WNT4: variants seen among roughly 807,000 people sequenced by gnomAD.
WNT4 encodes Wnt family member 4.
Under a neutral mutation model 34.5 loss-of-function variants are expected in WNT4, and 16 were observed. That is an observed-to-expected ratio of 0.46 (90% CI 0.31 to 0.70). The LOEUF is 0.70. Among genes scored for constraint, WNT4 ranks in the 30% least tolerant of loss-of-function variants. The pLI is 0.04. For synonymous variants in WNT4, 200 were observed against 211.9 expected, an observed-to-expected ratio of 0.94 and a Z score of 0.49; for missense variants, 379 against 495.9, an observed-to-expected ratio of 0.76 and a Z score of 2.24.
intron 1 of WNT4, among the ~76,000 whole-genome samples, chr1:22,133,333 G>A (rs1307266768): frequency 6.6e-6 from 1 of 152,118 alleles, no homozygotes; most frequent in Non-Finnish European, 1.5e-5. Flanking sequence ...AGGAATGTGG[G>A]GGCTGCTGTG....
chr1:22,127,222 C>G (rs570694078), intron 2 of WNT4: 1 of 469,868 alleles, frequency 2.1e-6, no homozygotes, highest in South Asian at 1.6e-5. Context: ...CTCCACCAGT[C>G]AGACTTTAGT....
intron 2 of WNT4, among the ~76,000 whole-genome samples, chr1:22,124,184 G>C (rs1243538860): frequency 6.6e-6 from 1 of 152,232 alleles, no homozygotes; most frequent in Non-Finnish European, 1.5e-5. Flanking sequence ...GCAGCGGGGG[G>C]GTTCCCCAGC....
At position 22,129,914 on chromosome 1, in the gene WNT4, G is replaced by T. The variant is rs899891115; in HGVS notation, c.78-63C>A. ...CTCATCTTTCCTGGCCCCGGACCAG[G>T]CCTGAGCTCCAGCCCGGGTCTCTGG... is the stretch of plus-strand genomic sequence containing the variant. On this transcript the variant is annotated intron_variant, in intron 1 of 4. Coordinates refer to ENST00000290167, the MANE Select transcript of WNT4 (RefSeq NM_030761.5). 9.5e-6 allele frequency: 15 copies of T among 1,582,910 alleles called. No individual in the cohort carries two copies. The African/African-American group carries it at 2.0e-4, about 21-fold the overall frequency.
chr1:22,137,804 G>A lies in WNT4; in HGVS notation c.77+5042C>T, dbSNP rs901516114. 1.3e-5 allele frequency among the ~76,000 whole-genome samples: 2 copies of A among 152,174 alleles called. No individual in the cohort carries two copies. Among genetic ancestry groups the A allele is most frequent in the Non-Finnish European group, 2.9e-5 (2 of 68,028 alleles). On this transcript the variant is annotated intron_variant, in intron 1 of 4. Coordinates refer to ENST00000290167, the MANE Select transcript of WNT4 (RefSeq NM_030761.5). The surrounding 1 kb of genome is among the most constrained non-coding windows in gnomAD (Gnocchi z 5.3). ...GGGTCTGTTCCGGCCCAGCAGTGAGGGGCAGAGCAGCAGATCGGGGGGGCA... is the reference window on the plus strand; with the variant it reads ...GGGTCTGTTCCGGCCCAGCAGTGAGAGGCAGAGCAGCAGATCGGGGGGGCA...
chr1:22,142,739 C>T lies in WNT4; in HGVS notation c.77+107G>A, dbSNP rs1646080541. The T allele has an allele frequency of 1.3e-6, 1 of 798,152 alleles. No individual in the cohort carries two copies. Among genetic ancestry groups the T allele is most frequent in the Non-Finnish European group, 1.5e-6 (1 of 660,004 alleles). 49.4% of individuals were successfully genotyped at this position (798,152 alleles called of 1,614,324 possible). A position where few individuals can be genotyped will look rare whatever the true frequency, so the allele number is the denominator to read the frequency against. On this transcript the variant is annotated intron_variant, in intron 1 of 4. Coordinates refer to ENST00000290167, the MANE Select transcript of WNT4 (RefSeq NM_030761.5). The surrounding 1 kb of genome is among the most constrained non-coding windows in gnomAD (Gnocchi z 6.0). ...AGCCTCCGGTCCCGCGGCCGAGACA[C>T]CTGCCGGGCTGCCCCGCGCCCGCTG...
intron 3 of WNT4, 44 bp from the exon 4 acceptor site, chr1:22,121,397 C>CCCCT: frequency 6.2e-7 from 1 of 1,613,898 alleles, no homozygotes; most frequent in Non-Finnish European, 8.5e-7. Context: ...GAGTGAGGGC[C>CCCCT]AGGGCCAAGC....
chr1:22,126,055 T>C (rs947541082), intron 2 of WNT4, among the ~76,000 whole-genome samples: 10 of 152,252 alleles, frequency 6.6e-5, no homozygotes, highest in Non-Finnish European at 1.3e-4. Context: ...ATCCCTCATC[T>C]AGCCCTGAAT....
Position 22,142,836 on chromosome 1 carries a change from C to G in WNT4, c.77+10G>C. 1 of 1,200,038 alleles carries G rather than the reference C, an allele frequency of 8.3e-7. No individual in the cohort carries two copies. The highest frequency in any genetic ancestry group is 1.1e-6 in the Non-Finnish European group (1 of 940,472). The allele number at this position is 1,200,038 out of a possible 1,614,324, so 74.3% of individuals were successfully genotyped here. A position where few individuals can be genotyped will look rare whatever the true frequency, so the allele number is the denominator to read the frequency against. On this transcript the variant is annotated intron_variant, in intron 1 of 4. Transcript: ENST00000290167. The surrounding 1 kb of genome is among the most constrained non-coding windows in gnomAD (Gnocchi z 6.0). ...CCCGCCCCGCCCCGCTCGGCCCCGG[C>G]CAGACTTACAGCCAGTTGCTCGCGG...
chr1:22,140,370 G>T lies in WNT4; in HGVS notation c.77+2476C>A. On this transcript the variant is annotated intron_variant, in intron 1 of 4. Transcript: ENST00000290167. This position sits in a 1 kb window ranked among gnomAD's most constrained non-coding sequence, Gnocchi z 5.9. ...TTCTCATCTGTAACGGGATTGAAACGTTGTTGGGATTTAGATCATGCTGTG... is the reference window on the plus strand; with the variant it reads ...TTCTCATCTGTAACGGGATTGAAACTTTGTTGGGATTTAGATCATGCTGTG... 1 of 651,532 alleles carries T rather than the reference G, an allele frequency of 1.5e-6. No homozygotes were observed. The highest frequency in any genetic ancestry group is 1.9e-6 in the Non-Finnish European group (1 of 525,030). 40.4% of individuals were successfully genotyped at this position (651,532 alleles called of 1,614,324 possible). A position where few individuals can be genotyped will look rare whatever the true frequency, so the allele number is the denominator to read the frequency against.
chr1:22,122,649 C>A (rs984549672), intron 2 of WNT4, among the ~76,000 whole-genome samples: 6 of 151,912 alleles, frequency 3.9e-5, no homozygotes, highest in Admixed American at 2.6e-4. Context: ...CTGTCTCTTG[C>A]CTGAGTGTCT....
At chr1:22,131,562 T>G (rs1645983891) in intron 1 of WNT4, among the ~76,000 whole-genome samples, 1 of 152,318 alleles carries the variant, frequency 6.6e-6, no homozygotes, top group Non-Finnish European at 1.5e-5. Flanking sequence ...ATGTTTCCTT[T>G]TCCCCGTGGC....
intron 2 of WNT4, chr1:22,127,373 C>T (rs1230976773): frequency 1.9e-6 from 1 of 533,266 alleles, no homozygotes; most frequent in Non-Finnish European, 3.8e-6. Flanking sequence ...GGCTTCAGGC[C>T]AGCATTGCCC....
chr1:22,138,411 C>G (rs923002304), intron 1 of WNT4, among the ~76,000 whole-genome samples: 2 of 152,098 alleles, frequency 1.3e-5, no homozygotes, highest in South Asian at 2.1e-4. Flanking sequence ...TGCCCGCCCC[C>G]CAGGGGACAT....
chr1:22,138,556 C>T (rs1300451923), intron 1 of WNT4, among the ~76,000 whole-genome samples: 1 of 152,220 alleles, frequency 6.6e-6, no homozygotes, highest in Admixed American at 6.5e-5. Context: ...CATCCAGTCC[C>T]AAATACCAGT....
At chr1:22,132,584 A>C (rs1183748963) in intron 1 of WNT4, among the ~76,000 whole-genome samples, 1 of 152,158 alleles carries the variant, frequency 6.6e-6, no homozygotes, top group Non-Finnish European at 1.5e-5. Context: ...TGTCTCTGCC[A>C]TTGAATAAGT....
At chr1:22,124,516 C>T (rs1024962676) in intron 2 of WNT4, among the ~76,000 whole-genome samples, 2 of 152,206 alleles carry the variant, frequency 1.3e-5, no homozygotes, top group African/African-American at 4.8e-5. Context: ...AACAGCCACT[C>T]TTTCTGAGGG....
At position 22,121,322 on chromosome 1, in the gene WNT4, G is replaced by A. The variant is rs199545625; in HGVS notation, c.477C>T (p.Ile159=). 3 of 1,614,176 alleles carry A rather than the reference G, an allele frequency of 1.9e-6. No homozygotes were observed. The highest frequency in any genetic ancestry group is 2.2e-5 in the East Asian group (1 of 44,878). Residue 159 remains isoleucine, a synonymous_variant, in exon 4 of 5, where the codon ATC becomes ATT. Coordinates refer to ENST00000290167, the MANE Select transcript of WNT4 (RefSeq NM_030761.5). ...ACTGTGAGAAGGCCACACCGTAGGC[G>A]ATGTTGTCAGAGCATCCTGACCACT... ...GFQWSGCSDN[I]AYGVAFSQSF...
chr1:22,135,425 T>G (rs964142524), intron 1 of WNT4, among the ~76,000 whole-genome samples: 1 of 152,224 alleles, frequency 6.6e-6, no homozygotes, highest in African/African-American at 2.4e-5. Context: ...AAGCCAAAGA[T>G]GACCCAGGGT....
intron 2 of WNT4, among the ~76,000 whole-genome samples, chr1:22,126,286 C>G (rs759396622): frequency 3.3e-5 from 5 of 152,328 alleles, no homozygotes; most frequent in Non-Finnish European, 5.9e-5. Flanking sequence ...AGAGCCCCCC[C>G]AGCCCTGAGC....
Sources: allele counts gnomAD v4.1 joint callset (sites outside exome capture counted in the v4.1 genomes callset), GRCh38; gene constraint gnomAD v4.1.1; non-coding constraint Gnocchi (gnomAD v3.1); transcripts MANE v1.5; gene names NCBI Gene and HGNC (gene_info 2026-07-23, HGNC 2026-07-21).